Variants in WDR27 observed in about 807,000 individuals in gnomAD.
WDR27 encodes the protein WD repeat-containing protein 27.
Under a neutral mutation model 114.4 loss-of-function variants are expected in WDR27, and 100 were observed. That is an observed-to-expected ratio of 0.87 (90% CI 0.74 to 1.03). The LOEUF (loss-of-function observed/expected upper bound fraction) is 1.03. WDR27 is among the 50% of genes least tolerant of loss of function. The pLI is 0.00. For missense variants in WDR27, 1,129 were observed against 1,092.9 expected (o/e 1.03, Z -0.47); for synonymous variants, 449 against 423.1 (o/e 1.06, Z -0.75).
chr6:169,685,488 A>G (rs761252567), intron 2 of WDR27, among the ~76,000 whole-genome samples: 1 of 152,188 alleles, frequency 6.6e-6, no homozygotes, highest in Non-Finnish European at 1.5e-5. Flanking sequence ...GAGAAATTCA[A>G]CAAAGAAATA....
intron 25 of WDR27, among the ~76,000 whole-genome samples, chr6:169,479,720 CTT>C (rs1787693028): frequency 6.6e-6 from 1 of 152,164 alleles, no homozygotes; most frequent in Non-Finnish European, 1.5e-5. Flanking sequence ...TTTCTTTTAA[CTT>C]TTATTTTAAC....
At chr6:169,591,983 GAGGGTACTA>G (rs945007917) in intron 23 of WDR27, among the ~76,000 whole-genome samples, 3 of 151,922 alleles carry the variant, frequency 2.0e-5, no homozygotes, top group Non-Finnish European at 4.4e-5. Context: ...AGGTTGCAAA[GAGGGTACTA>G]AGGGTGATGG....
chr6:169,540,811 C>T (rs1304319856), intron 25 of WDR27, among the ~76,000 whole-genome samples: 4 of 152,162 alleles, frequency 2.6e-5, no homozygotes, highest in East Asian at 1.9e-4. Context: ...ATTTTCTAAC[C>T]CTGAGACATA....
At chr6:169,428,481 C>T in the WDR27 span, among the ~76,000 whole-genome samples, 2 of 151,860 alleles carry the variant, frequency 1.3e-5, no homozygotes, top group Non-Finnish European at 2.9e-5. Context: ...CCACAATTTT[C>T]TGTGAACATA....
intron 22 of WDR27, among the ~76,000 whole-genome samples, chr6:169,603,677 G>C (rs1808512929): frequency 2.0e-5 from 3 of 152,302 alleles, no homozygotes; most frequent in East Asian, 3.9e-4. Context: ...GAGAGCAGTG[G>C]CCAAGAGCAG....
intron 25 of WDR27, among the ~76,000 whole-genome samples, chr6:169,502,163 G>C (rs1214934213): frequency 1.3e-5 from 2 of 152,186 alleles, no homozygotes; most frequent in Non-Finnish European, 2.9e-5. Flanking sequence ...GAGGGCAGGA[G>C]AGCAGCAGGC....
intron 25 of WDR27, among the ~76,000 whole-genome samples, chr6:169,469,125 C>T (rs1279152788): frequency 1.3e-5 from 2 of 152,154 alleles, no homozygotes; most frequent in Non-Finnish European, 2.9e-5. Context: ...GAATATTCTG[C>T]CCTTGGCCCC....
chr6:169,656,491 G>A (rs1196951371), intron 13 of WDR27, among the ~76,000 whole-genome samples: 2 of 152,078 alleles, frequency 1.3e-5, no homozygotes, highest in Non-Finnish European at 2.9e-5. Context: ...GACTGACAGG[G>A]CCAAGAGAGA....
At chr6:169,666,259 T>C (rs758904392) in intron 6 of WDR27, among the ~76,000 whole-genome samples, 20 of 152,172 alleles carry the variant, frequency 1.3e-4, no homozygotes, top group Non-Finnish European at 2.4e-4. Flanking sequence ...TTCACCCTGA[T>C]AGAAAGCAAT....
the WDR27 span, among the ~76,000 whole-genome samples, chr6:169,446,339 C>T: frequency 2.0e-5 from 3 of 152,032 alleles, no homozygotes; most frequent in East Asian, 1.9e-4. Flanking sequence ...TGGAAGCCCA[C>T]GGCAGGACCA....
At chr6:169,692,753 C>T (rs959459459) in intron 1 of WDR27, among the ~76,000 whole-genome samples, 4 of 152,182 alleles carry the variant, frequency 2.6e-5, no homozygotes, top group African/African-American at 4.8e-5. Context: ...ACCACTCCCA[C>T]GTCTCCCACA....
chr6:169,503,746 A>C (rs1346795950), intron 25 of WDR27, among the ~76,000 whole-genome samples: 1 of 151,974 alleles, frequency 6.6e-6, no homozygotes, highest in East Asian at 1.9e-4. Flanking sequence ...AAGTAGAAGA[A>C]TGCATTTTCA....
At chr6:169,486,436 G>C (rs1031553308) in intron 25 of WDR27, among the ~76,000 whole-genome samples, 1 of 152,100 alleles carries the variant, frequency 6.6e-6, no homozygotes, top group African/African-American at 2.4e-5. Context: ...CAGCCTTGCA[G>C]GCTCCGGCAG....
In WDR27 at chr6:169,638,087, C is replaced by T. The variant is rs1441993822; in HGVS notation, c.1869+452G>A. 1.0e-4 allele frequency among the ~76,000 whole-genome samples: 8 copies of T among 79,410 alleles called. 1 individual carries two copies. Among genetic ancestry groups the T allele is most frequent in the Non-Finnish European group, 2.0e-4 (8 of 40,992 alleles). 52.1% of individuals were successfully genotyped at this position (79,410 alleles called of 152,430 possible). ...ATCCCAGCACTTTGGGAGGCCGAGGCGGGTGGATCATGAGGTCAGGAGATC... is the reference window on the plus strand; with the variant it reads ...ATCCCAGCACTTTGGGAGGCCGAGGTGGGTGGATCATGAGGTCAGGAGATC... On this transcript the variant is annotated intron_variant, in intron 18 of 25. Transcript: ENST00000448612.
intron 2 of WDR27, among the ~76,000 whole-genome samples, chr6:169,673,428 C>A (rs1246415441): frequency 2.0e-5 from 3 of 151,356 alleles, no homozygotes; most frequent in African/African-American, 4.8e-5. Flanking sequence ...CACACACACA[C>A]TATATATATA....
chr6:169,628,869 T>G (rs890093449), intron 21 of WDR27, among the ~76,000 whole-genome samples: 2 of 152,178 alleles, frequency 1.3e-5, no homozygotes, highest in Non-Finnish European at 2.9e-5. Flanking sequence ...ACAAAAGAAC[T>G]GTGTGAGAGT....
intron 21 of WDR27, among the ~76,000 whole-genome samples, chr6:169,615,258 C>T (rs368006472): frequency 6.6e-6 from 1 of 152,022 alleles, no homozygotes; most frequent in Non-Finnish European, 1.5e-5. Flanking sequence ...CAGGGGTACA[C>T]GTGTGGGTTT....
chr6:169,578,216 G>C (rs531029906), intron 24 of WDR27, among the ~76,000 whole-genome samples: 1 of 152,132 alleles, frequency 6.6e-6, no homozygotes, highest in Non-Finnish European at 1.5e-5. Flanking sequence ...CTGGAATAAC[G>C]GCGCCCACAC....
intron 25 of WDR27, among the ~76,000 whole-genome samples, chr6:169,472,245 C>T (rs1786516892): frequency 6.6e-6 from 1 of 152,136 alleles, no homozygotes; most frequent in Non-Finnish European, 1.5e-5. Context: ...ACAGGCAATG[C>T]CCTGAGTCTG....
Sources: gnomAD v4.1 joint callset for allele counts (sites outside exome capture counted in the v4.1 genomes callset) on GRCh38, gnomAD v4.1.1 for gene constraint, MANE v1.5 for transcripts, NCBI Gene and HGNC (gene_info 2026-07-23, HGNC 2026-07-21) for gene names.